TMEM196: variants seen among roughly 807,000 people sequenced by gnomAD.
TMEM196 encodes the protein transmembrane protein 196.
A neutral mutation model predicts 20.0 loss-of-function variants in TMEM196; 17 were observed. The observed-to-expected ratio is 0.85, with a 90% confidence interval of 0.58 to 1.27. The LOEUF is 1.27. Ranked by LOEUF, TMEM196 falls within the 50% of genes most tolerant of loss-of-function variation. The probability of loss-of-function intolerance (pLI) is 0.00; values close to 1 mark genes in which losing one functional copy is unlikely to be tolerated. For synonymous variants in TMEM196, 113 were observed against 88.9 expected (o/e 1.27, Z -1.52); for missense variants, 267 against 223.0 (o/e 1.20, Z -1.26).
chr7:19,741,236 T>A (rs1397456405), intron 1 of TMEM196, among the ~76,000 whole-genome samples: 2 of 152,192 alleles, frequency 1.3e-5, no homozygotes, highest in African/African-American at 2.4e-5. Flanking sequence ...CGTTTGCAAT[T>A]ACTGGCATTG....
intron 1 of TMEM196, among the ~76,000 whole-genome samples, chr7:19,757,175 CTT>C (rs34970427): frequency 1.2e-4 from 16 of 134,348 alleles, no homozygotes; most frequent in Admixed American, 2.3e-4. Context: ...GCAGTAGATA[CTT>C]TTTTTTTTTT....
chr7:19,723,067 A>G (rs1370926760), intron 4 of TMEM196, among the ~76,000 whole-genome samples: 1 of 152,160 alleles, frequency 6.6e-6, no homozygotes, highest in East Asian at 1.9e-4. Context: ...CAATTATTTT[A>G]TTTCTATATC....
intron 1 of TMEM196, among the ~76,000 whole-genome samples, chr7:19,761,985 T>C (rs2128037889): frequency 6.6e-6 from 1 of 152,340 alleles, no homozygotes; most frequent in South Asian, 2.1e-4. Flanking sequence ...GTTCCAATTC[T>C]GTTTTGTGAT....
At chr7:19,768,195 A>G (rs1785713035) in intron 1 of TMEM196, among the ~76,000 whole-genome samples, 1 of 152,092 alleles carries the variant, frequency 6.6e-6, no homozygotes, top group Admixed American at 6.5e-5. Context: ...AGATAAGAAA[A>G]CTTTTAAATA....
At chr7:19,741,030 T>C (rs1784567246) in intron 1 of TMEM196, among the ~76,000 whole-genome samples, 1 of 152,170 alleles carries the variant, frequency 6.6e-6, no homozygotes, top group Admixed American at 6.6e-5. Flanking sequence ...ACATTCATAA[T>C]AGTTGCTGAA....
intron 1 of TMEM196, among the ~76,000 whole-genome samples, chr7:19,760,787 C>A (rs1212037135): frequency 6.6e-6 from 1 of 152,064 alleles, no homozygotes; most frequent in Non-Finnish European, 1.5e-5. Context: ...TACTGCTAGA[C>A]CCTCAGGACA....
At chr7:19,740,137 T>C (rs923818024) in intron 1 of TMEM196, among the ~76,000 whole-genome samples, 6 of 152,142 alleles carry the variant, frequency 3.9e-5, no homozygotes, top group Non-Finnish European at 8.8e-5. Context: ...AGATAACTGG[T>C]TAAATTTAAA....
At chr7:19,772,481 C>A (rs1785923277) in intron 1 of TMEM196, 69 bp downstream of exon 1, 4 of 1,405,692 alleles carry the variant, frequency 2.8e-6, no homozygotes, top group Admixed American at 5.6e-5. Flanking sequence ...ATGCGCGCAC[C>A]CTGACCATCA....
intron 4 of TMEM196, among the ~76,000 whole-genome samples, chr7:19,723,336 C>A (rs1316856747): frequency 1.3e-5 from 2 of 151,846 alleles, no homozygotes; most frequent in Admixed American, 6.6e-5. Flanking sequence ...AATCAAATTT[C>A]TAATAAATTT....
At chr7:19,730,879 A>G (rs1205218039) in intron 1 of TMEM196, among the ~76,000 whole-genome samples, 4 of 152,172 alleles carry the variant, frequency 2.6e-5, no homozygotes, top group African/African-American at 9.7e-5. Flanking sequence ...AATTTAGATG[A>G]CCTTTCATAT....
At chr7:19,772,447 TGTTTCCCA>T in intron 1 of TMEM196, 95 bp downstream of exon 1, 3 of 1,286,126 alleles carry the variant, frequency 2.3e-6, no homozygotes, top group Non-Finnish European at 3.1e-6. Flanking sequence ...TCTATGATTT[TGTTTCCCA>T]GGGAGGGAGT....
chr7:19,770,038 A>T (rs1785805086), intron 1 of TMEM196, among the ~76,000 whole-genome samples: 1 of 152,074 alleles, frequency 6.6e-6, no homozygotes, highest in South Asian at 2.1e-4. Context: ...ATTTGCAACC[A>T]GGTAGTATGG....
intron 1 of TMEM196, among the ~76,000 whole-genome samples, chr7:19,747,520 A>G (rs1784804112): frequency 6.6e-6 from 1 of 152,192 alleles, no homozygotes; most frequent in African/African-American, 2.4e-5. Flanking sequence ...CATTTTGCAC[A>G]CATCATCTAA....
Position 19,772,555 on chromosome 7 carries a change from A to G in TMEM196, c.142T>C (p.Ser48Pro), listed in dbSNP as rs1785927707. ...REHKPQLGDS[S>P]PFLLCGICGI... ...ACACACACCCCGCTCCATACCGGGG[A>G]CGAGTCTCCGAGCTGCGGCTTGTGC... is the stretch of plus-strand genomic sequence containing the variant. The change falls in exon 1 of 5, where the codon TCC becomes CCC. Residue 48 changes from serine to proline, a missense_variant. Ser to Pro is a moderately conservative substitution (Grantham distance 74, BLOSUM62 -1). Coordinates refer to ENST00000405844, the MANE Select transcript of TMEM196 (RefSeq NM_001363562.2). The G allele has an allele frequency of 3.2e-6, 5 of 1,542,998 alleles. No homozygotes were observed. In the African/African-American group the frequency reaches 6.9e-5, roughly 21 times the overall value.
intron 1 of TMEM196, among the ~76,000 whole-genome samples, chr7:19,767,147 C>T (rs978819189): frequency 1.3e-5 from 2 of 151,910 alleles, no homozygotes; most frequent in African/African-American, 4.8e-5. Context: ...CCAGTATGTG[C>T]GATTTACATG....
At chr7:19,755,588 A>G (rs189424634) in intron 1 of TMEM196, among the ~76,000 whole-genome samples, 51 of 152,340 alleles carry the variant, frequency 3.3e-4, no homozygotes, top group Middle Eastern at 3.4e-3. Flanking sequence ...TTAAGGGTTC[A>G]TTTTGAGAAA....
chr7:19,770,284 T>C (rs1456497122), intron 1 of TMEM196, among the ~76,000 whole-genome samples: 2 of 152,208 alleles, frequency 1.3e-5, no homozygotes, highest in Non-Finnish European at 2.9e-5. Flanking sequence ...GAGTAGTTTT[T>C]TTAAGACAGT....
rs941060256 is a variant in TMEM196 at position 19,772,574 on chromosome 7, C to T, written c.123G>A (p.Lys41=). 6 of 1,545,984 alleles carry T rather than the reference C, an allele frequency of 3.9e-6. No homozygotes were observed. Among genetic ancestry groups the T allele is most frequent in the Middle Eastern group, 2.3e-4 (1 of 4,380 alleles). Residue 41 remains lysine, a synonymous_variant, in exon 1 of 5, where the codon AAG becomes AAA. Transcript: ENST00000405844. ...CCGGGGACGAGTCTCCGAGCTGCGG[C>T]TTGTGCTCTCGGAGGGCCAGGCTGA... ...VSFSLALREH[K]PQLGDSSPFL...
intron 1 of TMEM196, among the ~76,000 whole-genome samples, chr7:19,754,584 G>A (rs1785123994): frequency 6.6e-6 from 1 of 152,156 alleles, no homozygotes; most frequent in Admixed American, 6.5e-5. Context: ...CCAGAGTGCA[G>A]GTTTTGATGA....
Sources: gnomAD v4.1 joint callset for allele counts (sites outside exome capture counted in the v4.1 genomes callset) on GRCh38, gnomAD v4.1.1 for gene constraint, MANE v1.5 for transcripts, NCBI Gene and HGNC (gene_info 2026-07-23, HGNC 2026-07-21) for gene names.